The following TENM3 variants were observed in gnomAD, a reference collection of about 807,000 sequenced individuals.
TENM3 encodes the protein teneurin transmembrane protein 3, also known as teneurin-3.
A neutral mutation model predicts 255.1 loss-of-function variants in TENM3; 63 were observed. The ratio of observed to expected loss-of-function variants is 0.25; its 90% CI spans 0.20 to 0.30. TENM3 has a LOEUF of 0.30. Ranked by LOEUF, TENM3 falls within the 10% of genes least tolerant of loss-of-function variation. The pLI, the probability that TENM3 is intolerant of heterozygous loss-of-function variation, is 1.00. For missense variants in TENM3, 2,929 were observed against 3,461.1 expected, an observed-to-expected ratio of 0.85 and a Z score of 3.86; for synonymous variants, 1,306 against 1,322.3, an observed-to-expected ratio of 0.99 and a Z score of 0.27.
the TENM3 span, among the ~76,000 whole-genome samples, chr4:181,878,363 C>T: frequency 2.6e-5 from 4 of 151,934 alleles, no homozygotes; most frequent in South Asian, 2.1e-4. Context: ...GAGGGAGGAA[C>T]GGAATTGGGG....
At chr4:181,790,874 G>A in the TENM3 span, among the ~76,000 whole-genome samples, 1 of 152,172 alleles carries the variant, frequency 6.6e-6, no homozygotes, top group Non-Finnish European at 1.5e-5. Context: ...AGTTACCTCT[G>A]CTTACCTTTG....
At chr4:181,973,319 T>C in the TENM3 span, among the ~76,000 whole-genome samples, 1 of 151,798 alleles carries the variant, frequency 6.6e-6, no homozygotes, top group East Asian at 1.9e-4. Flanking sequence ...GTATCTAGGG[T>C]GGATAGAAAA....
At chr4:182,614,709 G>A (rs1749311532) in intron 4 of TENM3, among the ~76,000 whole-genome samples, 1 of 151,896 alleles carries the variant, frequency 6.6e-6, no homozygotes, top group African/African-American at 2.4e-5. Context: ...TACTCTTTAA[G>A]TTCTCCTGCA....
At chr4:181,875,501 T>A in the TENM3 span, among the ~76,000 whole-genome samples, 1 of 151,958 alleles carries the variant, frequency 6.6e-6, no homozygotes, top group Non-Finnish European at 1.5e-5. Flanking sequence ...GTTTTAAATG[T>A]GGTCAAAATG....
the TENM3 span, among the ~76,000 whole-genome samples, chr4:181,979,055 A>G: frequency 2.2e-5 from 3 of 136,436 alleles, no homozygotes; most frequent in Non-Finnish European, 3.1e-5. Flanking sequence ...ACTATTCTAC[A>G]TTTTTGTTGA....
the TENM3 span, among the ~76,000 whole-genome samples, chr4:182,049,511 A>G: frequency 2.0e-5 from 3 of 152,198 alleles, no homozygotes; most frequent in South Asian, 4.1e-4. Context: ...CTCTACCCCC[A>G]TTCAAACGTC....
chr4:182,196,828 C>A (rs559093918), intron 1 of TENM3, among the ~76,000 whole-genome samples: 1 of 152,184 alleles, frequency 6.6e-6, no homozygotes, highest in South Asian at 2.1e-4. Context: ...TTCACATCTC[C>A]GTACCAAAAC....
chr4:181,454,040 A>G, the TENM3 span, among the ~76,000 whole-genome samples: 1 of 152,204 alleles, frequency 6.6e-6, no homozygotes, highest in Non-Finnish European at 1.5e-5. Context: ...GTAAAGATTA[A>G]TGGAAGTAAT....
chr4:181,766,463 C>T, the TENM3 span, among the ~76,000 whole-genome samples: 4 of 151,940 alleles, frequency 2.6e-5, no homozygotes, highest in Non-Finnish European at 5.9e-5. Flanking sequence ...TACTTGTTGC[C>T]GAAATAGTAA....
intron 3 of TENM3, among the ~76,000 whole-genome samples, chr4:182,509,937 CAAAA>C (rs55817843): frequency 2.2e-3 from 233 of 104,858 alleles, no homozygotes; most frequent in African/African-American, 8.4e-3. Flanking sequence ...AACTCTGTCT[CAAAA>C]AAAAAAAAAA....
At chr4:181,627,735 T>G in the TENM3 span, among the ~76,000 whole-genome samples, 2 of 152,226 alleles carry the variant, frequency 1.3e-5, no homozygotes. Context: ...CGGTCTATCA[T>G]TGATGGACAT....
chr4:181,914,363 G>A, the TENM3 span, among the ~76,000 whole-genome samples: 1 of 152,114 alleles, frequency 6.6e-6, no homozygotes. Flanking sequence ...CCTGTGTGAG[G>A]ACACCCCTAA....
chr4:182,395,352 A>G (rs1768736150), intron 3 of TENM3, among the ~76,000 whole-genome samples: 1 of 152,208 alleles, frequency 6.6e-6, no homozygotes, highest in Non-Finnish European at 1.5e-5. Context: ...ATAAGAGTCA[A>G]TTTTAAGAAT....
intron 7 of TENM3, among the ~76,000 whole-genome samples, chr4:182,678,831 CT>C (rs1755861513): frequency 6.6e-6 from 1 of 152,160 alleles, no homozygotes; most frequent in Non-Finnish European, 1.5e-5. Context: ...GGAACTGGAG[CT>C]CATTGTGTGA....
At chr4:182,272,273 G>A (rs1364670064) in intron 1 of TENM3, among the ~76,000 whole-genome samples, 1 of 152,166 alleles carries the variant, frequency 6.6e-6, no homozygotes, top group Non-Finnish European at 1.5e-5. Context: ...GAATTAGTAA[G>A]CAAGCAAAAT....
chr4:182,740,109 G>C (rs1380449839), intron 18 of TENM3, among the ~76,000 whole-genome samples: 1 of 152,114 alleles, frequency 6.6e-6, no homozygotes, highest in East Asian at 1.9e-4. Context: ...CAGTAGTAAG[G>C]AAAAACAAAC....
chr4:182,406,990 A>G (rs1046122117), intron 3 of TENM3, among the ~76,000 whole-genome samples: 13 of 152,228 alleles, frequency 8.5e-5, no homozygotes, highest in Non-Finnish European at 1.3e-4. Context: ...CCTTACGTCC[A>G]GAATGCTGTT....
chr4:181,901,833 A>G, the TENM3 span, among the ~76,000 whole-genome samples: 1 of 152,190 alleles, frequency 6.6e-6, no homozygotes, highest in Non-Finnish European at 1.5e-5. Context: ...TTATTATTAT[A>G]AAGTAAAGTT....
At chr4:181,819,417 G>A in the TENM3 span, among the ~76,000 whole-genome samples, 2 of 152,184 alleles carry the variant, frequency 1.3e-5, no homozygotes, top group African/African-American at 4.8e-5. Flanking sequence ...AAAGAACACA[G>A]GCAAAGAGGT....
Sources: allele counts gnomAD v4.1 joint callset (sites outside exome capture counted in the v4.1 genomes callset), GRCh38; gene constraint gnomAD v4.1.1; transcripts MANE v1.5; gene names NCBI Gene and HGNC (gene_info 2026-07-23, HGNC 2026-07-21).